The following HCAR3 variants were observed in gnomAD, a reference collection of about 807,000 sequenced individuals.
The protein encoded by HCAR3 is hydroxycarboxylic acid receptor 3.
For synonymous variants in HCAR3, 167 were observed against 201.0 expected, an observed-to-expected ratio of 0.83 and a Z score of 1.43; for missense variants, 404 against 501.2, an observed-to-expected ratio of 0.81 and a Z score of 1.85.
Position 122,716,142 on chromosome 12 carries a change from A to T in HCAR3, c.596T>A (p.Leu199Gln). The change falls in exon 1 of 1, where the codon CTG (leucine) becomes CAG (glutamine). Residue 199 changes from leucine to glutamine, a missense_variant. By Grantham distance (113) the Leu-to-Gln change is moderately radical (BLOSUM62 -2). Coordinates refer to ENST00000528880, the MANE Select transcript of HCAR3 (RefSeq NM_006018.3). ...HEAMFLLEFFLPLGIILFCSA... is the reference protein window; with the variant it reads ...HEAMFLLEFFQPLGIILFCSA... ...GCAGAACAGGATGATGCCCAGGGGC[A>T]GGAAGAACTCCAGGAGGAACATAGC... is the stretch of plus-strand genomic sequence containing the variant. 6.2e-7 allele frequency: 1 copy of T among 1,613,962 alleles called. No individual in the cohort carries two copies. Among genetic ancestry groups the T allele is most frequent in the Non-Finnish European group, 8.5e-7 (1 of 1,179,970 alleles).
Position 122,715,639 on chromosome 12 carries a change from T to C in HCAR3, c.1099A>G (p.Lys367Glu). The stretch of plus-strand genomic sequence containing the variant: ...GGTTCTTGGTGACAATGTCCCTTCT[T>C]GGAATGGTTATTTGAGGTTGGGCCC... Reference protein sequence around the residue: ...YLGPTSNNHSKKGHCHQEPAS... With the variant: ...YLGPTSNNHSEKGHCHQEPAS... Residue 367 changes from lysine (K) to glutamate (E), a missense_variant, in exon 1 of 1, where the codon AAG becomes GAG. Coordinates refer to ENST00000528880, the MANE Select transcript of HCAR3 (RefSeq NM_006018.3). 2 of 1,614,104 alleles carry C rather than the reference T, an allele frequency of 1.2e-6. No individual in the cohort carries two copies. The highest frequency in any genetic ancestry group is 1.7e-6 in the Non-Finnish European group (2 of 1,180,020).
At position 122,715,983 on chromosome 12, in the gene HCAR3, A is replaced by T; in HGVS notation, c.755T>A (p.Ile252Asn). The T allele has an allele frequency of 6.5e-7, 1 of 1,546,586 alleles. No individual in the cohort carries two copies. The highest frequency in any genetic ancestry group is 1.1e-5 in the South Asian group (1 of 89,612). Residue 252 changes from isoleucine (I) to asparagine (N), a missense_variant, in exon 1 of 1, where the codon ATC (isoleucine) becomes AAC (asparagine). Ile to Asn is a moderately radical substitution (Grantham distance 149). Transcript: ENST00000528880. ...AGTGTGCAGGAGCCAGAAGATGTGGATCCGCACAACCACGCTGGGAAGGAA... is the reference window on the plus strand; with the variant it reads ...AGTGTGCAGGAGCCAGAAGATGTGGTTCCGCACAACCACGCTGGGAAGGAA... ...ICFLPSVVVRIHIFWLLHTSG... is the reference protein window; with the variant it reads ...ICFLPSVVVRNHIFWLLHTSG...
Position 122,716,490 on chromosome 12 carries a change from A to T in HCAR3, c.248T>A (p.Val83Glu), listed in dbSNP as rs1159843480. The T allele has an allele frequency of 6.2e-7, 1 of 1,614,134 alleles. No individual in the cohort carries two copies. Among genetic ancestry groups the T allele is most frequent in the Non-Finnish European group, 8.5e-7 (1 of 1,180,048 alleles). Residue 83 changes from valine to glutamate, a missense_variant, in exon 1 of 1, where the codon GTG becomes GAG. Transcript: ENST00000528880. The stretch of plus-strand genomic sequence containing the variant: ...TGAACGCCGCACATAGTAGTCCATC[A>T]CGAACGGCAGGCAGATGATCAGTAG... ...DFLLIICLPF[V>E]MDYYVRRSDW...
At position 122,716,526 on chromosome 12, in the gene HCAR3, A is replaced by C. The variant is rs774870648; in HGVS notation, c.212T>G (p.Val71Gly). 7.2e-5 allele frequency: 116 copies of C among 1,614,060 alleles called. 1 individual carries two copies. The highest frequency in any genetic ancestry group is 1.1e-5 in the Non-Finnish European group (13 of 1,180,042). Residue 71 changes from valine to glycine, a missense_variant, in exon 1 of 1, where the codon GTA (valine) becomes GGA (glycine). Coordinates refer to ENST00000528880, the MANE Select transcript of HCAR3 (RefSeq NM_006018.3). ...SSRIFLFNLA[V>G]ADFLLIICLP... ...GCAGATGATCAGTAGAAAGTCAGCT[A>C]CTGCCAGGTTGAACAGGAAAATCCG...
In HCAR3 at chr12:122,716,213, AT is replaced by A. The variant is rs768511192; in HGVS notation, c.524del (p.Asn175MetfsTer111). ...KKLLIQNGTA[N>X]VCISFSICHT... ...GGCAGATGCTGAAGCTGATGCACAC[AT>A]TTGCAGTGCCATTCTGGATCAGCAA... On this transcript the variant is annotated frameshift_variant, in exon 1 of 1. Transcript: ENST00000528880. LOFTEE classifies it low-confidence loss of function (END_TRUNC). The A allele has an allele frequency of 6.2e-7, 1 of 1,614,132 alleles. No individual in the cohort carries two copies. The highest frequency in any genetic ancestry group is 8.5e-7 in the Non-Finnish European group (1 of 1,180,018).
chr12:122,716,495 C>A lies in HCAR3; in HGVS notation c.243G>T (p.Pro81=), dbSNP rs3825151. 7 of 1,614,048 alleles carry A rather than the reference C, an allele frequency of 4.3e-6. No individual in the cohort carries two copies. In the East Asian group the frequency reaches 1.6e-4, roughly 36 times the overall value. ...GCCGCACATAGTAGTCCATCACGAA[C>A]GGCAGGCAGATGATCAGTAGAAAGT... The part of the protein sequence containing the change: ...VADFLLIICL[P]FVMDYYVRRS... Residue 81 remains proline (P), a synonymous_variant, in exon 1 of 1, where the codon CCG becomes CCT. Coordinates refer to ENST00000528880, the MANE Select transcript of HCAR3 (RefSeq NM_006018.3).
rs1360864738 is a variant in HCAR3, at chr12:122,715,631, T to G, written c.1107A>C (p.Gly369=). 6.2e-7 allele frequency: 1 copy of G among 1,614,084 alleles called. No homozygotes were observed. Among genetic ancestry groups the G allele is most frequent in the South Asian group, 1.1e-5 (1 of 91,050 alleles). Residue 369 remains glycine (G), a synonymous_variant, in exon 1 of 1, where the codon GGA becomes GGC. Transcript: ENST00000528880. ...GPTSNNHSKK[G]HCHQEPASLE... Reference sequence around the variant, plus strand: ...GAGATGCTGGTTCTTGGTGACAATGTCCCTTCTTGGAATGGTTATTTGAGG... The same window carrying G: ...GAGATGCTGGTTCTTGGTGACAATGGCCCTTCTTGGAATGGTTATTTGAGG...
chr12:122,715,673 G>A lies in HCAR3; in HGVS notation c.1065C>T (p.Pro355=), dbSNP rs1593742395. ...TATTTGAGGTTGGGCCCAGATAAGA[G>A]GGGCTCCATGGCTCACCGGAGTTGG... is the stretch of plus-strand genomic sequence containing the variant. ...LIANSGEPWS[P]SYLGPTSNNH... The change falls in exon 1 of 1, where the codon CCC becomes CCT. Residue 355 remains proline, a synonymous_variant. Transcript: ENST00000528880. The A allele has an allele frequency of 1.2e-6, 2 of 1,613,926 alleles. No individual in the cohort carries two copies. Among genetic ancestry groups the A allele is most frequent in the East Asian group, 4.5e-5 (2 of 44,868 alleles).
At position 122,716,673 on chromosome 12, in the gene HCAR3, C is replaced by T. The variant is rs1375236375; in HGVS notation, c.65G>A (p.Arg22Gln). The T allele has an allele frequency of 6.2e-6, 10 of 1,613,978 alleles. No homozygotes were observed. The highest frequency in any genetic ancestry group is 4.5e-5 in the East Asian group (2 of 44,890). The change falls in exon 1 of 1, where the codon CGA becomes CAA. Residue 22 changes from arginine (R) to glutamine (Q), a missense_variant. Coordinates refer to ENST00000528880, the MANE Select transcript of HCAR3 (RefSeq NM_006018.3). ...EIDKKNCCVF[R>Q]DDFIAKVLPP... is the part of the protein sequence containing the mutation. ...CAACACCTTGGCAATGAAGTCATCT[C>T]GGAACACACAGCAGTTCTTCTTGTC...
Position 122,715,557 on chromosome 12 carries a change from G to C in HCAR3, c.*17C>G, listed in dbSNP as rs1384455647. On this transcript the variant is annotated 3_prime_UTR_variant, in exon 1 of 1. Transcript: ENST00000528880. ...AATCTGGAAGTTCCAGGAAATCTTA[G>C]GCCGAGTCCAGTGACATTACTCGAT... The C allele has an allele frequency of 3.2e-6, 5 of 1,548,608 alleles. No individual in the cohort carries two copies. Among genetic ancestry groups the C allele is most frequent in the Non-Finnish European group, 4.3e-6 (5 of 1,149,644 alleles).
chr12:122,716,730 C>T lies in HCAR3; in HGVS notation c.8G>A (p.Arg3Gln), dbSNP rs768138411. The change falls in exon 1 of 1, where the codon CGG becomes CAG. Residue 3 changes from arginine (R) to glutamine (Q), a missense_variant. By Grantham distance (43) the Arg-to-Gln change is conservative (BLOSUM62 1). Coordinates refer to ENST00000528880, the MANE Select transcript of HCAR3 (RefSeq NM_006018.3). MN[R>Q]HHLQDHFLEI... The stretch of plus-strand genomic sequence containing the variant: ...CAGAAAGTGATCCTGCAGATGGTGC[C>T]GATTCATGAGTGCAGCTAGTGAGTC... 5.6e-6 allele frequency: 9 copies of T among 1,613,388 alleles called. No individual in the cohort carries two copies. The highest frequency in any genetic ancestry group is 5.0e-5 in the Admixed American group (3 of 59,974).
In HCAR3 at chr12:122,716,282, C is replaced by T. The variant is rs1317469116; in HGVS notation, c.456G>A (p.Trp152Ter). The change falls in exon 1 of 1, where the codon TGG becomes TGA. Residue 152 changes from tryptophan (W) to a stop codon, truncating the protein, a stop_gained. Transcript: ENST00000528880. LOFTEE classifies it low-confidence loss of function (END_TRUNC). ...GGACTGTTAGGCCAACAGTGATGCC[C>T]CACAGAAGGCAAGAGATGATGGCTG... Reference protein sequence around the residue: ...WTAAIISCLLWGITVGLTVHL... With the variant: ...WTAAIISCLL 2 of 1,613,974 alleles carry T rather than the reference C, an allele frequency of 1.2e-6. No homozygotes were observed. The highest frequency in any genetic ancestry group is 2.2e-5 in the East Asian group (1 of 44,896).
Position 122,716,221 on chromosome 12 carries a change from T to G in HCAR3, c.517A>C (p.Thr173Pro), listed in dbSNP as rs1798192. Residue 173 changes from threonine to proline, a missense_variant, in exon 1 of 1, where the codon ACT becomes CCT. Physicochemically the swap from Thr to Pro is conservative, Grantham distance 38. Coordinates refer to ENST00000528880, the MANE Select transcript of HCAR3 (RefSeq NM_006018.3). ...CTGAAGCTGATGCACACATTTGCAGTGCCATTCTGGATCAGCAACTTCTTC... is the reference window on the plus strand; with the variant it reads ...CTGAAGCTGATGCACACATTTGCAGGGCCATTCTGGATCAGCAACTTCTTC... ...LKKKLLIQNG[T>P]ANVCISFSIC... 877,371 of 1,613,782 alleles carry G rather than the reference T, an allele frequency of 0.54. 242,548 individuals are homozygous for G. The highest frequency in any genetic ancestry group is 0.57 in the Non-Finnish European group (673,767 of 1,179,948).
At position 122,716,370 on chromosome 12, in the gene HCAR3, A is replaced by C. The variant is rs1428324484; in HGVS notation, c.368T>G (p.Val123Gly). The change falls in exon 1 of 1, where the codon GTA becomes GGA. Residue 123 changes from valine to glycine, a missense_variant. Val to Gly is a moderately radical substitution (Grantham distance 109). Coordinates refer to ENST00000528880, the MANE Select transcript of HCAR3 (RefSeq NM_006018.3). ...GSIIFLTVVA[V>G]DRYFRVVHPH... ...ATGGACCACCCGGAAATACCTGTCT[A>C]CCGCCACCACCGTGAGGAATATGAT... 20 of 1,613,962 alleles carry C rather than the reference A, an allele frequency of 1.2e-5. No homozygotes were observed. The highest frequency in any genetic ancestry group is 2.7e-5 in the African/African-American group (2 of 74,890).
In HCAR3 at chr12:122,715,657, T is replaced by A; in HGVS notation, c.1081A>T (p.Thr361Ser). ...EPWSPSYLGP[T>S]SNNHSKKGHC... is the part of the protein sequence containing the mutation. ...CCCTTCTTGGAATGGTTATTTGAGG[T>A]TGGGCCCAGATAAGAGGGGCTCCAT... Residue 361 changes from threonine to serine, a missense_variant, in exon 1 of 1, where the codon ACC becomes TCC. Transcript: ENST00000528880. 6.2e-7 allele frequency: 1 copy of A among 1,614,038 alleles called. No homozygotes were observed. The highest frequency in any genetic ancestry group is 1.1e-5 in the South Asian group (1 of 91,054).
Position 122,715,451 on chromosome 12 carries a change from G to A in HCAR3, c.*123C>T, listed in dbSNP as rs559698420. The A allele has an allele frequency of 2.2e-4, 244 of 1,118,866 alleles. No homozygotes were observed. Among genetic ancestry groups the A allele is most frequent in the East Asian group, 6.8e-4 (29 of 42,620 alleles). The allele number at this position is 1,118,866 out of a possible 1,614,324, so 69.3% of individuals were successfully genotyped here. A position where few individuals can be genotyped will look rare whatever the true frequency, so the allele number is the denominator to read the frequency against. ...CAGATGCCTAGAAGCTTTACTCTCT[G>A]TTCCTCCAGGATTCCTGCGGTCACA... On this transcript the variant is annotated 3_prime_UTR_variant, in exon 1 of 1. Coordinates refer to ENST00000528880, the MANE Select transcript of HCAR3 (RefSeq NM_006018.3).
At position 122,716,666 on chromosome 12, in the gene HCAR3, G is replaced by C; in HGVS notation, c.72C>G (p.Asp24Glu). Reference protein sequence around the residue: ...DKKNCCVFRDDFIAKVLPPVL... With the variant: ...DKKNCCVFRDEFIAKVLPPVL... The stretch of plus-strand genomic sequence containing the variant: ...CCGGCGGCAACACCTTGGCAATGAA[G>C]TCATCTCGGAACACACAGCAGTTCT... Residue 24 changes from aspartate (D) to glutamate (E), a missense_variant, in exon 1 of 1, where the codon GAC becomes GAG. By Grantham distance (45) the Asp-to-Glu change is conservative. Coordinates refer to ENST00000528880, the MANE Select transcript of HCAR3 (RefSeq NM_006018.3). 6.2e-7 allele frequency: 1 copy of C among 1,614,136 alleles called. No individual in the cohort carries two copies. Among genetic ancestry groups the C allele is most frequent in the South Asian group, 1.1e-5 (1 of 91,078 alleles).
Position 122,714,756 on chromosome 12 carries a change from T to A in HCAR3, c.*818A>T, listed in dbSNP as rs1268273776. The A allele has an allele frequency of 6.6e-6, 1 of 151,992 alleles. No homozygotes were observed. Among genetic ancestry groups the A allele is most frequent in the African/African-American group, 2.4e-5 (1 of 41,344 alleles). The allele number at this position is 151,992 out of a possible 1,614,324, so 9.4% of individuals were successfully genotyped here. A position where few individuals can be genotyped will look rare whatever the true frequency, so the allele number is the denominator to read the frequency against. ...TAACCCAGATATAGCAACGCCAGACTGTCTCCTATCAAAATTTATTGAAAT... is the reference window on the plus strand; with the variant it reads ...TAACCCAGATATAGCAACGCCAGACAGTCTCCTATCAAAATTTATTGAAAT... On this transcript the variant is annotated 3_prime_UTR_variant, in exon 1 of 1. Coordinates refer to ENST00000528880, the MANE Select transcript of HCAR3 (RefSeq NM_006018.3).
rs569453236 is a variant in HCAR3 at position 122,714,948 on chromosome 12, A to G, written c.*626T>C. 1.3e-5 allele frequency: 2 copies of G among 151,868 alleles called. No individual in the cohort carries two copies. Among genetic ancestry groups the G allele is most frequent in the African/African-American group, 4.9e-5 (2 of 41,228 alleles). 9.4% of individuals were successfully genotyped at this position (151,868 alleles called of 1,614,324 possible). Reference sequence around the variant, plus strand: ...TTAACTGTTCAACCCTTAGATTACTATAAACAAGAGAGGAATGGATTGCAT... The same window carrying G: ...TTAACTGTTCAACCCTTAGATTACTGTAAACAAGAGAGGAATGGATTGCAT... On this transcript the variant is annotated 3_prime_UTR_variant, in exon 1 of 1. Coordinates refer to ENST00000528880, the MANE Select transcript of HCAR3 (RefSeq NM_006018.3).
Sources: allele counts gnomAD v4.1 joint callset, GRCh38; gene constraint gnomAD v4.1.1; transcripts MANE v1.5; gene names NCBI Gene and HGNC (gene_info 2026-07-23, HGNC 2026-07-21).